The following FMNL2 variants were observed in gnomAD, a reference collection of about 807,000 sequenced individuals.
FMNL2 encodes the protein formin-like protein 2.
In FMNL2, 51 loss-of-function variants were observed where a neutral mutation model predicts 130.2. That is an observed-to-expected ratio of 0.39 (90% CI 0.31 to 0.49). The LOEUF (loss-of-function observed/expected upper bound fraction) is 0.49. Among genes scored for constraint, FMNL2 ranks in the 20% least tolerant of loss-of-function variants. FMNL2 has a pLI of 0.85. For synonymous variants in FMNL2, 465 were observed against 467.1 expected (o/e 1.00, Z 0.06); for missense variants, 977 against 1,316.2 (o/e 0.74, Z 3.99).
chr2:152,453,250 T>C (rs1688750644), intron 1 of FMNL2, among the ~76,000 whole-genome samples: 1 of 151,388 alleles, frequency 6.6e-6, no homozygotes, highest in African/African-American at 2.4e-5. Context: ...AGAAAGAAAA[T>C]ACGGCTGAAT....
rs565128431 is a variant in FMNL2 at position 152,556,981 on chromosome 2, C to T, written c.360-1759C>T. On this transcript the variant is annotated intron_variant, in intron 4 of 25. Transcript: ENST00000288670. ...AGCCCATAGGCCACCAATGGAAAAG[C>T]CTAAGCAAGGCTAAGGGGCTTGAAT... is the stretch of plus-strand genomic sequence containing the variant. 2.2e-4 allele frequency among the ~76,000 whole-genome samples: 34 copies of T among 151,838 alleles called. 1 individual carries two copies. Among genetic ancestry groups the T allele is most frequent in the South Asian group, 2.1e-3 (10 of 4,774 alleles).
intron 6 of FMNL2, among the ~76,000 whole-genome samples, chr2:152,564,798 T>TTA (rs1553477782): frequency 4.1e-5 from 6 of 146,400 alleles, no homozygotes; most frequent in African/African-American, 1.3e-4. Context: ...TTTTTTTTTT[T>TTA]AACCAAATTC....
chr2:152,485,135 T>C (rs553208683), intron 1 of FMNL2, among the ~76,000 whole-genome samples: 5 of 152,208 alleles, frequency 3.3e-5, no homozygotes, highest in Admixed American at 3.3e-4. Flanking sequence ...TGCATGAGCT[T>C]AGAAGTTTGA....
chr2:152,393,472 C>T (rs1464601098), intron 1 of FMNL2, among the ~76,000 whole-genome samples: 1 of 152,080 alleles, frequency 6.6e-6, no homozygotes, highest in African/African-American at 2.4e-5. Flanking sequence ...TTCTTTTTGC[C>T]GCATTGCATT....
intron 2 of FMNL2, among the ~76,000 whole-genome samples, chr2:152,532,830 A>T (rs1233826579): frequency 3.3e-5 from 5 of 150,474 alleles, no homozygotes; most frequent in Admixed American, 1.3e-4. Flanking sequence ...CTGGTCTCAA[A>T]CTCCTGACCT....
At chr2:152,621,043 A>G in intron 15 of FMNL2, 2 of 985,412 alleles carry the variant, frequency 2.0e-6, no homozygotes, top group South Asian at 9.4e-5. Context: ...ACAGACAAAC[A>G]AGAAACCTCA....
chr2:152,375,896 TA>T (rs773754345), intron 1 of FMNL2, among the ~76,000 whole-genome samples: 1 of 143,672 alleles, frequency 7.0e-6, no homozygotes, highest in Non-Finnish European at 1.5e-5. Flanking sequence ...TATATATATA[TA>T]ATTATTATTA....
chr2:152,458,081 CAT>C (rs1372551022), intron 1 of FMNL2, among the ~76,000 whole-genome samples: 1 of 152,140 alleles, frequency 6.6e-6, no homozygotes, highest in Non-Finnish European at 1.5e-5. Flanking sequence ...TGTATGGTAA[CAT>C]ATTCATAGGT....
rs748102148 is a variant in FMNL2, at chr2:152,628,263, T to C, written c.2166-36T>C. 5 of 1,585,544 alleles carry C rather than the reference T, an allele frequency of 3.2e-6. No homozygotes were observed. The East Asian group carries it at 1.1e-4, about 36-fold the overall frequency. On this transcript the variant is annotated intron_variant, in intron 17 of 25. Transcript: ENST00000288670. ...ACTTGAAAAGGGGGTAGGAGGTTTT[T>C]CTCTCTAATGCTAATCTCTCCACAT...
chr2:152,476,530 G>A (rs1268390234), intron 1 of FMNL2, among the ~76,000 whole-genome samples: 3 of 151,928 alleles, frequency 2.0e-5, no homozygotes, highest in African/African-American at 7.3e-5. Context: ...AAAATTAGTC[G>A]GGCATGGTGA....
chr2:152,629,697 G>A lies in FMNL2; in HGVS notation c.2442G>A (p.Ser814=), dbSNP rs750235145. Residue 814 remains serine, a synonymous_variant, in exon 19 of 26, where the codon TCG becomes TCA. Transcript: ENST00000288670. ...AIIAASVSIK[S]SQKLKKILEI... The stretch of plus-strand genomic sequence containing the variant: ...TAGCAGCATCTGTCTCTATAAAGTC[G>A]TCCCAAAAACTCAAGAAAATTCTGG... 34 of 1,603,410 alleles carry A rather than the reference G, an allele frequency of 2.1e-5. No homozygotes were observed. Among genetic ancestry groups the A allele is most frequent in the South Asian group, 5.6e-5 (5 of 89,226 alleles).
Position 152,475,968 on chromosome 2 carries a change from C to A in FMNL2, c.118-45975C>A, listed in dbSNP as rs548823305. Reference sequence around the variant, plus strand: ...TCAGTTTAAAAATAGGAAAATTCTGCTCCATCATAGATTTAGCACTTTGAG... The same window carrying A: ...TCAGTTTAAAAATAGGAAAATTCTGATCCATCATAGATTTAGCACTTTGAG... On this transcript the variant is annotated intron_variant, in intron 1 of 25. Coordinates refer to ENST00000288670, the MANE Select transcript of FMNL2 (RefSeq NM_052905.4). Among the ~76,000 whole-genome samples, 6 of 152,330 alleles carry A rather than the reference C, an allele frequency of 3.9e-5. No individual in the cohort carries two copies. The South Asian group carries it at 1.2e-3, about 32-fold the overall frequency.
chr2:152,483,467 C>G (rs1335618350), intron 1 of FMNL2, among the ~76,000 whole-genome samples: 2 of 152,186 alleles, frequency 1.3e-5, no homozygotes, highest in Non-Finnish European at 2.9e-5. Context: ...CAATTGGATT[C>G]TGTCCCTGGA....
At chr2:152,524,776 C>G (rs938189763) in intron 2 of FMNL2, among the ~76,000 whole-genome samples, 1 of 152,162 alleles carries the variant, frequency 6.6e-6, no homozygotes, top group African/African-American at 2.4e-5. Flanking sequence ...GGCCATTTCC[C>G]GTAAGTTTAG....
intron 1 of FMNL2, among the ~76,000 whole-genome samples, chr2:152,416,928 C>T (rs114975195): frequency 0.026 from 3,959 of 152,220 alleles, 64 homozygotes; most frequent in South Asian, 0.073. Context: ...TTTCACTGCT[C>T]GGGAAGAATA....
intron 18 of FMNL2, 66 bp downstream of exon 18, chr2:152,628,599 C>T (rs1030457951): frequency 7.1e-7 from 1 of 1,415,118 alleles, no homozygotes; most frequent in Admixed American, 1.7e-5. Context: ...TTTTTAAAGT[C>T]TCTCCCAGAA....
At position 152,619,008 on chromosome 2, in the gene FMNL2, A is replaced by G; in HGVS notation, c.1477A>G (p.Ile493Val). ...GAAGAAAGGGGATGGGGATATCGCC[A>G]TACTGCCAGTTGTGGCTTCTGGCAC... ...IQKKGDGDIA[I>V]LPVVASGTLS... Residue 493 changes from isoleucine to valine, a missense_variant, in exon 14 of 26, where the codon ATA becomes GTA. Physicochemically the swap from Ile to Val is conservative, Grantham distance 29. Around this residue, in one of 4 missense-constraint regions of FMNL2, gnomAD observed 689 missense variants for 995.9 expected, o/e 0.69. Transcript: ENST00000288670. The G allele has an allele frequency of 1.2e-6, 2 of 1,614,086 alleles. No homozygotes were observed. The highest frequency in any genetic ancestry group is 1.7e-6 in the Non-Finnish European group (2 of 1,179,904).
intron 6 of FMNL2, among the ~76,000 whole-genome samples, chr2:152,568,218 G>GGTTTTTTTTTTTTTTTT (rs1270152711): frequency 8.6e-5 from 3 of 34,860 alleles, no homozygotes; most frequent in African/African-American, 2.5e-4. Flanking sequence ...ATTTTGGTGG[G>GGTTTTTTTTTTTTTTTT]TTTTTTTTTT....
At chr2:152,622,701 T>C in intron 15 of FMNL2, 1 of 445,198 alleles carries the variant, frequency 2.2e-6, no homozygotes, top group South Asian at 1.6e-5. Context: ...TGGTGGCTGA[T>C]GATGATTCCA....
Sources: allele counts gnomAD v4.1 joint callset (sites outside exome capture counted in the v4.1 genomes callset), GRCh38; gene constraint gnomAD v4.1.1; regional missense constraint gnomAD v4.1.1; transcripts MANE v1.5; gene names NCBI Gene and HGNC (gene_info 2026-07-23, HGNC 2026-07-21).